Variants in ERO1B observed in about 807,000 individuals in gnomAD.
The protein encoded by ERO1B is ERO1-like protein beta.
ERO1B carries 49 observed loss-of-function variants against 75.3 expected under a neutral mutation model. The observed-to-expected ratio is 0.65, with a 90% CI of 0.52 to 0.83. The LOEUF (loss-of-function observed/expected upper bound fraction) is 0.83, where lower values mean the gene tolerates loss of function less well. Among genes scored for constraint, ERO1B ranks in the 40% least tolerant of loss-of-function variants. ERO1B has a pLI of 0.00. For synonymous variants in ERO1B, 191 were observed against 192.9 expected, an observed-to-expected ratio of 0.99 and a Z score of 0.08; for missense variants, 512 against 560.1, an observed-to-expected ratio of 0.91 and a Z score of 0.87.
intron 8 of ERO1B, 98 bp downstream of exon 8, chr1:236,235,691 C>G (rs944760582): frequency 4.6e-6 from 5 of 1,088,476 alleles, no homozygotes; most frequent in Non-Finnish European, 6.7e-6. Context: ...TCAAATTAAA[C>G]AAAATATAAA....
chr1:236,231,254 A>C (rs1664401145), intron 9 of ERO1B, among the ~76,000 whole-genome samples: 1 of 152,196 alleles, frequency 6.6e-6, no homozygotes, highest in African/African-American at 2.4e-5. Flanking sequence ...TCTGTGTACT[A>C]ATGCTGAAGA....
intron 2 of ERO1B, among the ~76,000 whole-genome samples, chr1:236,268,580 C>A (rs1428359177): frequency 1.3e-5 from 2 of 152,148 alleles, no homozygotes; most frequent in African/African-American, 4.8e-5. Flanking sequence ...TGGCAAGACC[C>A]TGTCTCTAAA....
At position 236,225,082 on chromosome 1, in the gene ERO1B, G is replaced by T; in HGVS notation, c.1110C>A (p.Ala370=). The change falls in exon 13 of 16, where the codon GCC becomes GCA. Residue 370 remains alanine (A), a synonymous_variant. Transcript: ENST00000354619. ...GAGAACTTTTTACCTTTAGTGACTT[G>T]GCCCCTTTTTTGTCACCTGCAAACA... ...KSMFAGDKKG[A]KSLKEEFRLH... 2 of 1,613,758 alleles carry T rather than the reference G, an allele frequency of 1.2e-6. No homozygotes were observed. Among genetic ancestry groups the T allele is most frequent in the Non-Finnish European group, 1.7e-6 (2 of 1,179,738 alleles).
At chr1:236,263,218 C>G (rs544569438) in intron 2 of ERO1B, among the ~76,000 whole-genome samples, 1 of 151,500 alleles carries the variant, frequency 6.6e-6, no homozygotes, top group Non-Finnish European at 1.5e-5. Flanking sequence ...TGTCTAGCTC[C>G]AGGAAAATAA....
chr1:236,233,585 G>A (rs1242506826), intron 8 of ERO1B, among the ~76,000 whole-genome samples: 3 of 150,794 alleles, frequency 2.0e-5, no homozygotes, highest in Admixed American at 1.3e-4. Flanking sequence ...GTGACAGAGT[G>A]CGACTCTGTC....
At chr1:236,259,202 G>A (rs2102960299) in intron 2 of ERO1B, among the ~76,000 whole-genome samples, 1 of 152,206 alleles carries the variant, frequency 6.6e-6, no homozygotes, top group African/African-American at 2.4e-5. Context: ...GATGTATGTA[G>A]GTCTCATGGT....
At chr1:236,257,328 C>T (rs1572058477) in intron 2 of ERO1B, among the ~76,000 whole-genome samples, 1 of 152,110 alleles carries the variant, frequency 6.6e-6, no homozygotes, top group East Asian at 1.9e-4. Flanking sequence ...TGAAGAATTA[C>T]TCCTTCTAGT....
At chr1:236,225,675 C>T (rs1198538384) in intron 12 of ERO1B, among the ~76,000 whole-genome samples, 2 of 152,210 alleles carry the variant, frequency 1.3e-5, no homozygotes, top group African/African-American at 4.8e-5. Flanking sequence ...TGGCCCATGC[C>T]TCTAATCCCA....
At chr1:236,270,142 T>C (rs1422507383) in intron 1 of ERO1B, 148 bp from the exon 2 acceptor site, 1 of 558,590 alleles carries the variant, frequency 1.8e-6, no homozygotes, top group Non-Finnish European at 3.1e-6. Context: ...ACTTACTTTT[T>C]ACTGTGGCCA....
intron 1 of ERO1B, among the ~76,000 whole-genome samples, chr1:236,273,998 T>C (rs1006157994): frequency 1.3e-5 from 2 of 148,382 alleles, no homozygotes; most frequent in African/African-American, 5.1e-5. Flanking sequence ...TTTTTTTTTT[T>C]TTTGAGACAG....
At chr1:236,258,149 C>CAGAAAAAA (rs71559929) in intron 2 of ERO1B, among the ~76,000 whole-genome samples, 50,732 of 96,356 alleles carry the variant, frequency 0.53, 14,008 homozygotes, top group Middle Eastern at 0.67. Context: ...AAAAACAAAG[C>CAGAAAAAA]AAAAAAAAAA....
In ERO1B at chr1:236,233,234, AGGAGGT is replaced by A. The variant is rs773440551; in HGVS notation, c.674-401_674-396del. Reference sequence around the variant, plus strand: ...TGAGGCAGGAGAATCACTTGAACCCAGGAGGTGGAGGTTTCAGTGAGCCAAGATCGC... The same window carrying A: ...TGAGGCAGGAGAATCACTTGAACCCAGGAGGTTTCAGTGAGCCAAGATCGC... On this transcript the variant is annotated intron_variant, in intron 8 of 15. Coordinates refer to ENST00000354619, the MANE Select transcript of ERO1B (RefSeq NM_019891.4). Among the ~76,000 whole-genome samples the A allele has an allele frequency of 1.7e-4, 26 of 151,264 alleles. No individual in the cohort carries two copies. The East Asian group carries it at 3.8e-3, about 22-fold the overall frequency.
chr1:236,240,393 A>T (rs558536839), intron 6 of ERO1B, among the ~76,000 whole-genome samples: 3 of 150,356 alleles, frequency 2.0e-5, no homozygotes, highest in East Asian at 1.9e-4. Flanking sequence ...GGTCACAGAT[A>T]AAAAAATACT....
intron 4 of ERO1B, chr1:236,251,480 A>C (rs867484113): frequency 3.4e-5 from 33 of 980,682 alleles, no homozygotes; most frequent in Non-Finnish European, 4.0e-5. Context: ...CACGGGAGAG[A>C]GAGCAAGAAG....
At chr1:236,275,364 C>T (rs1488582105) in intron 1 of ERO1B, among the ~76,000 whole-genome samples, 1 of 152,164 alleles carries the variant, frequency 6.6e-6, no homozygotes, top group Non-Finnish European at 1.5e-5. Context: ...GAATGGCTCA[C>T]AGAACTCAGA....
chr1:236,281,638 G>A, intron 1 of ERO1B, 44 bp downstream of exon 1: 3 of 1,286,610 alleles, frequency 2.3e-6, no homozygotes, highest in South Asian at 1.8e-5. Flanking sequence ...AGCGGCCGCG[G>A]GTGTTCGGCC....
chr1:236,276,318 G>C (rs1299730457), intron 1 of ERO1B, among the ~76,000 whole-genome samples: 1 of 152,130 alleles, frequency 6.6e-6, no homozygotes, highest in East Asian at 1.9e-4. Context: ...CTGTACATTT[G>C]GTATTTAAAG....
At chr1:236,255,766 C>T (rs1665145859) in intron 2 of ERO1B, among the ~76,000 whole-genome samples, 1 of 152,182 alleles carries the variant, frequency 6.6e-6, no homozygotes, top group Non-Finnish European at 1.5e-5. Context: ...TGCAAGTTCT[C>T]AGCCTGGACA....
In ERO1B at chr1:236,281,909, T is replaced by C; in HGVS notation, c.-126A>G. ...CGACTCCAGGGTCAGAGGTCTGCAC[T>C]CCAGTCCGGAGGCAGGCGACTCTTT... On this transcript the variant is annotated 5_prime_UTR_variant, in exon 1 of 16. Transcript: ENST00000354619. The C allele has an allele frequency of 3.5e-6, 2 of 576,316 alleles. No homozygotes were observed. Among genetic ancestry groups the C allele is most frequent in the Non-Finnish European group, 2.6e-6 (1 of 384,282 alleles). The allele number at this position is 576,316 out of a possible 1,614,324, so 35.7% of individuals were successfully genotyped here.
Sources: gnomAD v4.1 joint callset for allele counts (sites outside exome capture counted in the v4.1 genomes callset) on GRCh38, gnomAD v4.1.1 for gene constraint, MANE v1.5 for transcripts, NCBI Gene and HGNC (gene_info 2026-07-23, HGNC 2026-07-21) for gene names.